The following SOX5 variants were observed in gnomAD, a reference collection of about 807,000 sequenced individuals.
SOX5 encodes the protein transcription factor SOX-5.
In SOX5, 9 loss-of-function variants were observed where a neutral mutation model predicts 92.0. That is an observed-to-expected ratio of 0.10 (90% CI 0.06 to 0.17). The LOEUF is 0.17. SOX5 is among the 10% of genes least tolerant of loss of function. The pLI is 1.00. For missense variants in SOX5, 642 were observed against 944.5 expected (o/e 0.68, Z 4.20); for synonymous variants, 344 against 336.3 (o/e 1.02, Z -0.25).
intron 11 of SOX5, among the ~76,000 whole-genome samples, chr12:23,549,407 T>C (rs1344810009): frequency 6.6e-6 from 1 of 151,894 alleles, no homozygotes; most frequent in Non-Finnish European, 1.5e-5. Flanking sequence ...ATAAAAATCA[T>C]GTTACTCAAG....
chr12:24,391,390 A>T (rs983125405), intron 1 of SOX5, among the ~76,000 whole-genome samples: 1 of 152,214 alleles, frequency 6.6e-6, no homozygotes, highest in Non-Finnish European at 1.5e-5. Flanking sequence ...GTAAAAGTAC[A>T]TGTATAGGTA....
intron 8 of SOX5, among the ~76,000 whole-genome samples, chr12:23,609,512 CA>C (rs2075691108): frequency 6.6e-6 from 1 of 151,716 alleles, no homozygotes; most frequent in Admixed American, 6.6e-5. Flanking sequence ...TAAAAATTGC[CA>C]ATTAACTGGG....
chr12:24,556,205 C>A (rs927140137), intron 1 of SOX5, among the ~76,000 whole-genome samples: 1 of 152,196 alleles, frequency 6.6e-6, no homozygotes, highest in Non-Finnish European at 1.5e-5. Context: ...CAGGTCTAAT[C>A]CCATCTTGGC....
intron 1 of SOX5, among the ~76,000 whole-genome samples, chr12:24,444,548 G>C (rs1335379507): frequency 6.6e-6 from 1 of 152,178 alleles, no homozygotes. Context: ...AGGAGATGCT[G>C]TTGTGTGTTG....
chr12:23,845,884 A>C, intron 3 of SOX5, 99 bp downstream of exon 3: 1 of 992,978 alleles, frequency 1.0e-6, no homozygotes, highest in Non-Finnish European at 1.6e-6. Context: ...TGCCCAATTT[A>C]ACTTTAAGAG....
At chr12:24,242,078 C>A (rs181682314) in intron 3 of SOX5, among the ~76,000 whole-genome samples, 7 of 152,090 alleles carry the variant, frequency 4.6e-5, no homozygotes, top group African/African-American at 1.7e-4. Context: ...AGCTGGCCAT[C>A]GAAAGTTATT....
At chr12:24,424,199 G>T (rs1285193856) in intron 1 of SOX5, among the ~76,000 whole-genome samples, 1 of 152,162 alleles carries the variant, frequency 6.6e-6, no homozygotes, top group African/African-American at 2.4e-5. Flanking sequence ...ACAGCTTTAA[G>T]AATAGATAAA....
chr12:23,583,464 G>A (rs1392938131), intron 9 of SOX5, among the ~76,000 whole-genome samples: 1 of 152,094 alleles, frequency 6.6e-6, no homozygotes, highest in Admixed American at 6.6e-5. Flanking sequence ...AATGTGTGAT[G>A]AGAACAGTTA....
chr12:23,752,280 C>G (rs113221013), intron 4 of SOX5, among the ~76,000 whole-genome samples: 8,130 of 151,854 alleles, frequency 0.054, 251 homozygotes, highest in South Asian at 0.089. Flanking sequence ...TAAAAAAACT[C>G]TTGAAATAAG....
intron 4 of SOX5, among the ~76,000 whole-genome samples, chr12:24,213,118 GA>G (rs1958819326): frequency 6.6e-6 from 1 of 152,178 alleles, no homozygotes; most frequent in South Asian, 2.1e-4. Context: ...ACTTATGTAA[GA>G]TTTTGTTTCT....
intron 4 of SOX5, among the ~76,000 whole-genome samples, chr12:24,171,134 ATCTAT>A (rs1277396733): frequency 1.9e-5 from 1 of 51,930 alleles, no homozygotes; most frequent in Non-Finnish European, 3.6e-5. Flanking sequence ...TGCTCCCAAG[ATCTAT>A]TTTTTTTTTT....
chr12:23,650,135 A>G (rs952032959), intron 7 of SOX5, among the ~76,000 whole-genome samples: 1 of 152,206 alleles, frequency 6.6e-6, no homozygotes, highest in African/African-American at 2.4e-5. Flanking sequence ...GTCTTAATCA[A>G]GTGAGGAGGA....
At chr12:24,054,287 T>C (rs1957884243) in intron 4 of SOX5, among the ~76,000 whole-genome samples, 1 of 152,126 alleles carries the variant, frequency 6.6e-6, no homozygotes, top group South Asian at 2.1e-4. Context: ...GGCCCCAGGG[T>C]TACTGCCAAA....
chr12:24,479,681 GGGGGGACAGAGTCTCACTCTGTCGTCCA>G, intron 1 of SOX5, among the ~76,000 whole-genome samples: 1 of 150,490 alleles, frequency 6.6e-6, no homozygotes, highest in East Asian at 1.9e-4. Flanking sequence ...TTTTTGGTGT[GGGGGGACAGAGTCTCACTCTGTCGTCCA>G]GGCTGGAATG....
In SOX5 at chr12:23,543,221, G is replaced by A. The variant is rs1942462145; in HGVS notation, c.1761C>T (p.Ser587=). ...TAATGGTTTTCTTACCCAATATCTT[G>A]CTGATGTTGGAGTTGTGCATGTCAG... ...AFPDMHNSNI[S]KILGSRWKAM... The change falls in exon 13 of 15, where the codon AGC becomes AGT. Residue 587 remains serine, a synonymous_variant. Transcript: ENST00000451604. The A allele has an allele frequency of 1.2e-6, 2 of 1,611,782 alleles. No homozygotes were observed. Among genetic ancestry groups the A allele is most frequent in the South Asian group, 1.1e-5 (1 of 90,882 alleles).
intron 4 of SOX5, among the ~76,000 whole-genome samples, chr12:23,965,397 C>T (rs1053693715): frequency 6.6e-6 from 1 of 152,100 alleles, no homozygotes; most frequent in African/African-American, 2.4e-5. Context: ...CTGATCCTGC[C>T]TCCTCCACAC....
At chr12:24,222,667 T>C (rs1357251) in intron 3 of SOX5, among the ~76,000 whole-genome samples, 20,965 of 152,160 alleles carry the variant, frequency 0.14, 3,234 homozygotes, top group African/African-American at 0.38. Flanking sequence ...AGGATTTTGT[T>C]AGAGCATGTT....
rs535343494 is a variant in SOX5 at position 23,574,776 on chromosome 12, T to C, written c.1342+885A>G. Among the ~76,000 whole-genome samples, 7 of 152,326 alleles carry C rather than the reference T, an allele frequency of 4.6e-5. No individual in the cohort carries two copies. In the South Asian group the frequency reaches 1.0e-3, roughly 23 times the overall value. On this transcript the variant is annotated intron_variant, in intron 10 of 14. Transcript: ENST00000451604. ...ACTTTGTGATTTTTTTCTTACTGCC[T>C]AGAATGCCTAGGAATCTATCTCTTC...
At chr12:23,979,974 C>CAGAT (rs201558116) in intron 4 of SOX5, among the ~76,000 whole-genome samples, 2,684 of 143,438 alleles carry the variant, frequency 0.019, 87 homozygotes, top group African/African-American at 0.065. Flanking sequence ...GATAGATAGA[C>CAGAT]AGATAGATAG....
Sources: allele counts gnomAD v4.1 joint callset (sites outside exome capture counted in the v4.1 genomes callset), GRCh38; gene constraint gnomAD v4.1.1; transcripts MANE v1.5; gene names NCBI Gene and HGNC (gene_info 2026-07-23, HGNC 2026-07-21).